The following FAM193A variants were observed in gnomAD, a reference collection of about 807,000 sequenced individuals.
FAM193A encodes the protein family with sequence similarity 193 member A, also known as protein FAM193A.
A neutral mutation model predicts 126.5 loss-of-function variants in FAM193A; 22 were observed. The observed-to-expected ratio is 0.17, with a 90% CI of 0.12 to 0.25. The LOEUF (loss-of-function observed/expected upper bound fraction) is 0.25. Ranked by LOEUF, FAM193A falls within the 10% of genes least tolerant of loss-of-function variation. The pLI is 1.00. For missense variants in FAM193A, 1,675 were observed against 1,672.8 expected (o/e 1.00, Z -0.02); for synonymous variants, 761 against 646.8 (o/e 1.18, Z -2.68).
At chr4:2,716,453 C>T (rs887713948) in intron 20 of FAM193A, among the ~76,000 whole-genome samples, 5 of 152,060 alleles carry the variant, frequency 3.3e-5, no homozygotes, top group African/African-American at 1.2e-4. Context: ...CAGGCCCCTA[C>T]TTAGACCTGT....
intron 20 of FAM193A, 69 bp from the exon 21 acceptor site, chr4:2,731,706 G>C: frequency 8.2e-7 from 1 of 1,213,444 alleles, no homozygotes; most frequent in Non-Finnish European, 1.2e-6. Context: ...AGTGTGATGG[G>C]CTTTGCCAAG....
intron 1 of FAM193A, among the ~76,000 whole-genome samples, chr4:2,595,879 T>G (rs193234622): frequency 6.4e-4 from 98 of 152,362 alleles, no homozygotes; most frequent in African/African-American, 2.2e-3. Flanking sequence ...TAACTCGTAC[T>G]AAGATAAGAT....
At chr4:2,566,079 G>A (rs574341041) in intron 1 of FAM193A, among the ~76,000 whole-genome samples, 65 of 149,606 alleles carry the variant, frequency 4.3e-4, no homozygotes, top group African/African-American at 1.5e-3. Flanking sequence ...ACGGAGTCTC[G>A]CTCTGTCGCC....
At chr4:2,661,561 C>T (rs1221778216) in intron 10 of FAM193A, among the ~76,000 whole-genome samples, 2 of 152,156 alleles carry the variant, frequency 1.3e-5, no homozygotes, top group African/African-American at 2.4e-5. Flanking sequence ...CTGCAGGAAG[C>T]CCTAGGACTC....
chr4:2,645,705 T>A (rs1745067828), intron 6 of FAM193A, among the ~76,000 whole-genome samples: 1 of 152,142 alleles, frequency 6.6e-6, no homozygotes, highest in African/African-American at 2.4e-5. Context: ...TTTTGTATTT[T>A]TTGTAGAGAC....
At chr4:2,560,984 T>A (rs933374251) in intron 1 of FAM193A, among the ~76,000 whole-genome samples, 1 of 152,172 alleles carries the variant, frequency 6.6e-6, no homozygotes, top group Non-Finnish European at 1.5e-5. Context: ...GACTGTGATA[T>A]CCACCTTTCT....
At chr4:2,664,274 G>T (rs113392515) in intron 12 of FAM193A, among the ~76,000 whole-genome samples, 1 of 152,148 alleles carries the variant, frequency 6.6e-6, no homozygotes, top group Non-Finnish European at 1.5e-5. Flanking sequence ...GTGAGGTGAG[G>T]ATATAAATTC....
chr4:2,683,030 G>A (rs1467123040), intron 13 of FAM193A, among the ~76,000 whole-genome samples: 1 of 152,218 alleles, frequency 6.6e-6, no homozygotes, highest in Non-Finnish European at 1.5e-5. Context: ...TGCTGGTGAT[G>A]AGCTCCCTCA....
At chr4:2,628,812 G>A (rs897854685) in intron 4 of FAM193A, among the ~76,000 whole-genome samples, 2 of 151,884 alleles carry the variant, frequency 1.3e-5, no homozygotes, top group African/African-American at 2.4e-5. Flanking sequence ...GTGAGTTAGC[G>A]AATGAGCTTC....
Position 2,630,935 on chromosome 4 carries a change from G to A in FAM193A, c.804G>A (p.Arg268=), listed in dbSNP as rs1463514772. 1.3e-6 allele frequency: 2 copies of A among 1,556,762 alleles called. No homozygotes were observed. The highest frequency in any genetic ancestry group is 1.8e-6 in the Non-Finnish European group (2 of 1,130,392). ...DKEGVKELVD[R]LCERDPYQLY... is the part of the protein sequence containing the mutation. ...CCTGGTGACCCTCTTCTCTGTGCAG[G>A]CTCTGCGAGAGGGACCCCTACCAGC... The change falls in exon 5 of 21, where the codon AGG becomes AGA. Residue 268 remains arginine, a splice_region_variant and synonymous_variant. Coordinates refer to ENST00000637812, the MANE Select transcript of FAM193A (RefSeq NM_001366318.2).
At chr4:2,576,401 C>T (rs1375314666) in intron 1 of FAM193A, among the ~76,000 whole-genome samples, 1 of 152,106 alleles carries the variant, frequency 6.6e-6, no homozygotes, top group African/African-American at 2.4e-5. Context: ...CCTGGAACAC[C>T]CAGTTATTAA....
chr4:2,655,015 T>G, intron 7 of FAM193A: 2 of 650,118 alleles, frequency 3.1e-6, no homozygotes, highest in Non-Finnish European at 5.6e-6. Context: ...TAGGTTTATC[T>G]CATCTTTTCC....
At chr4:2,609,669 C>G (rs569095364) in intron 2 of FAM193A, among the ~76,000 whole-genome samples, 16 of 152,160 alleles carry the variant, frequency 1.1e-4, no homozygotes, top group Non-Finnish European at 2.4e-4. Context: ...GCCGATCACG[C>G]CTGTAATCCC....
chr4:2,690,911 C>G lies in FAM193A; in HGVS notation c.2744C>G (p.Thr915Ser). Residue 915 changes from threonine (T) to serine (S), a missense_variant, in exon 15 of 21, where the codon ACC (threonine) becomes AGC (serine). By Grantham distance (58) the Thr-to-Ser change is moderately conservative. Around this residue, in one of 4 missense-constraint regions of FAM193A, gnomAD observed 1,186 missense variants for 1,109.2 expected, o/e 1.07. Transcript: ENST00000637812. Reference protein sequence around the residue: ...SATSSVSCTATTVQSSNSQFR... With the variant: ...SATSSVSCTASTVQSSNSQFR... ...ACGTCCTCTGTGTCCTGCACAGCTACCACAGTGCAGTCCAGCAACAGCCAG... is the reference window on the plus strand; with the variant it reads ...ACGTCCTCTGTGTCCTGCACAGCTAGCACAGTGCAGTCCAGCAACAGCCAG... The G allele has an allele frequency of 6.2e-7, 1 of 1,613,918 alleles. No individual in the cohort carries two copies. The highest frequency in any genetic ancestry group is 1.1e-5 in the South Asian group (1 of 91,080).
At chr4:2,675,601 C>A (rs1412219318) in intron 13 of FAM193A, among the ~76,000 whole-genome samples, 1 of 152,196 alleles carries the variant, frequency 6.6e-6, no homozygotes, top group African/African-American at 2.4e-5. Flanking sequence ...CATGGTATAT[C>A]TTCCTTCATT....
chr4:2,648,181 G>T (rs529538284), intron 7 of FAM193A, among the ~76,000 whole-genome samples: 1 of 152,236 alleles, frequency 6.6e-6, no homozygotes, highest in South Asian at 2.1e-4. Context: ...GAGCCACTGC[G>T]CCTGGCCTGC....
chr4:2,693,255 T>C (rs1458942980), intron 15 of FAM193A, among the ~76,000 whole-genome samples: 2 of 152,110 alleles, frequency 1.3e-5, no homozygotes, highest in Non-Finnish European at 2.9e-5. Flanking sequence ...CCTGACCTCA[T>C]GATCCACCAG....
At position 2,653,116 on chromosome 4, in the gene FAM193A, C is replaced by A. The variant is rs188948319; in HGVS notation, c.1312-4687C>A. Among the ~76,000 whole-genome samples, 323 of 152,338 alleles carry A rather than the reference C, an allele frequency of 2.1e-3. 2 individuals carry two copies. Among genetic ancestry groups the A allele is most frequent in the Non-Finnish European group, 3.0e-3 (201 of 68,030 alleles). On this transcript the variant is annotated intron_variant, in intron 7 of 20. Coordinates refer to ENST00000637812, the MANE Select transcript of FAM193A (RefSeq NM_001366318.2). Reference sequence around the variant, plus strand: ...AGATAAAGTTCTAGTTTCAGAGATTCATTTCTCCAATTGAACTGTAACTAA... The same window carrying A: ...AGATAAAGTTCTAGTTTCAGAGATTAATTTCTCCAATTGAACTGTAACTAA...
intron 2 of FAM193A, among the ~76,000 whole-genome samples, chr4:2,599,454 A>G (rs1741065883): frequency 6.6e-6 from 1 of 152,190 alleles, no homozygotes; most frequent in Non-Finnish European, 1.5e-5. Context: ...GCTCTCCTGC[A>G]GCTTTCTGCA....
Sources: allele counts gnomAD v4.1 joint callset (sites outside exome capture counted in the v4.1 genomes callset), GRCh38; gene constraint gnomAD v4.1.1; regional missense constraint gnomAD v4.1.1; transcripts MANE v1.5; gene names NCBI Gene and HGNC (gene_info 2026-07-23, HGNC 2026-07-21).